Variants in ABCD3 observed in about 807,000 individuals in gnomAD.
The protein encoded by ABCD3 is ATP binding cassette subfamily D member 3, also known as ATP-binding cassette sub-family D member 3.
ABCD3 carries 41 observed loss-of-function variants against 105.5 expected under a neutral mutation model. The observed-to-expected ratio is 0.39, with a 90% CI of 0.30 to 0.50. The LOEUF (loss-of-function observed/expected upper bound fraction) is 0.50, where lower values mean the gene tolerates loss of function less well. Ranked by LOEUF, ABCD3 falls within the 20% of genes least tolerant of loss-of-function variation. The pLI is 0.84. For missense variants in ABCD3, 622 were observed against 806.3 expected (o/e 0.77, Z 2.77); for synonymous variants, 258 against 269.0 (o/e 0.96, Z 0.40).
chr1:94,516,002 A>G (rs1650904330), intron 22 of ABCD3, among the ~76,000 whole-genome samples: 1 of 151,990 alleles, frequency 6.6e-6, no homozygotes, highest in African/African-American at 2.4e-5. Flanking sequence ...GCCTTGTTCC[A>G]CAAAATACAT....
At chr1:94,387,442 G>T in the ABCD3 span, among the ~76,000 whole-genome samples, 3 of 152,038 alleles carry the variant, frequency 2.0e-5, no homozygotes, top group Admixed American at 2.0e-4. Flanking sequence ...TGACAACCTT[G>T]CTCTCTCCTC....
chr1:94,441,987 A>G (rs1346345599), intron 1 of ABCD3, among the ~76,000 whole-genome samples: 4 of 152,132 alleles, frequency 2.6e-5, no homozygotes, highest in Non-Finnish European at 4.4e-5. Flanking sequence ...GATTTTGATA[A>G]TTGTACTATA....
chr1:94,463,008 C>T (rs1168838660), intron 2 of ABCD3, among the ~76,000 whole-genome samples: 9 of 152,114 alleles, frequency 5.9e-5, no homozygotes, highest in Admixed American at 5.9e-4. Flanking sequence ...TAGGCTAGTT[C>T]AACTAACTGG....
At chr1:94,432,945 C>G (rs537227238) in intron 1 of ABCD3, among the ~76,000 whole-genome samples, 1 of 151,812 alleles carries the variant, frequency 6.6e-6, no homozygotes, top group South Asian at 2.1e-4. Flanking sequence ...ACCTCTGCCT[C>G]CTGGGTTCAA....
chr1:94,473,227 T>A (rs989230438), intron 4 of ABCD3, among the ~76,000 whole-genome samples: 4 of 152,142 alleles, frequency 2.6e-5, no homozygotes, highest in Admixed American at 1.3e-4. Flanking sequence ...GCCACACTTC[T>A]TGGCTGCTTT....
At chr1:94,399,893 C>T in the ABCD3 span, among the ~76,000 whole-genome samples, 1 of 152,092 alleles carries the variant, frequency 6.6e-6, no homozygotes, top group Non-Finnish European at 1.5e-5. Flanking sequence ...GCTGCACCAG[C>T]GATTTAGTAG....
At chr1:94,402,785 T>C in the ABCD3 span, among the ~76,000 whole-genome samples, 3 of 152,186 alleles carry the variant, frequency 2.0e-5, no homozygotes, top group African/African-American at 7.2e-5. Flanking sequence ...ATTATGAATA[T>C]AATACTTCCT....
intron 15 of ABCD3, among the ~76,000 whole-genome samples, chr1:94,490,556 A>G (rs1026646612): frequency 6.6e-6 from 1 of 152,022 alleles, no homozygotes; most frequent in African/African-American, 2.4e-5. Context: ...TATGTTGAAA[A>G]TGGCCCAGTT....
chr1:94,473,126 C>T (rs958724049), intron 4 of ABCD3, among the ~76,000 whole-genome samples: 3 of 152,154 alleles, frequency 2.0e-5, no homozygotes, highest in African/African-American at 7.2e-5. Context: ...GGGCTCTGAT[C>T]TATGCGTTAG....
intron 10 of ABCD3, 33 bp from the exon 11 acceptor site, chr1:94,487,507 GAA>G (rs762074302): frequency 3.1e-6 from 5 of 1,595,224 alleles, no homozygotes; most frequent in Non-Finnish European, 4.3e-6. Context: ...TTTATACAGA[GAA>G]AAAGATGGTT....
intron 1 of ABCD3, among the ~76,000 whole-genome samples, chr1:94,443,014 T>A (rs1660189315): frequency 6.6e-6 from 1 of 152,230 alleles, no homozygotes; most frequent in Non-Finnish European, 1.5e-5. Context: ...ATGGTAGTTC[T>A]GTTTTTAGTT....
chr1:94,456,754 G>C (rs1367877023), intron 1 of ABCD3, among the ~76,000 whole-genome samples: 34 of 151,944 alleles, frequency 2.2e-4, no homozygotes, highest in Non-Finnish European at 1.5e-5. Flanking sequence ...ATTTCCTTAG[G>C]ATCTATACCC....
intron 1 of ABCD3, among the ~76,000 whole-genome samples, chr1:94,433,194 GC>G (rs1019532872): frequency 7.1e-6 from 1 of 140,928 alleles, no homozygotes; most frequent in African/African-American, 2.7e-5. Flanking sequence ...CGCTCTTGTT[GC>G]CCAGTGTGGA....
In ABCD3 at chr1:94,513,033, A is replaced by G. The variant is rs1257602684; in HGVS notation, c.1846-2113A>G. ...CCTGCTAAATCAGAATCTGCATTTT[A>G]CCAAAATTCTAAGATGATTCAAATG... is the stretch of plus-strand genomic sequence containing the variant. On this transcript the variant is annotated intron_variant, in intron 21 of 22. Transcript: ENST00000370214. Among the ~76,000 whole-genome samples, 5 of 152,080 alleles carry G rather than the reference A, an allele frequency of 3.3e-5. No homozygotes were observed. The East Asian group carries it at 9.6e-4, about 29-fold the overall frequency.
At chr1:94,504,224 T>C (rs758639440) in intron 20 of ABCD3, among the ~76,000 whole-genome samples, 29 of 151,746 alleles carry the variant, frequency 1.9e-4, no homozygotes, top group Non-Finnish European at 3.7e-4. Context: ...TACAAGCAAT[T>C]CTTGTTCCTC....
rs4148061 is a variant in ABCD3 at position 94,518,496 on chromosome 1, TAA to T, written c.*1384_*1385del. On this transcript the variant is annotated 3_prime_UTR_variant, in exon 23 of 23. Coordinates refer to ENST00000370214, the MANE Select transcript of ABCD3 (RefSeq NM_002858.4). Reference sequence around the variant, plus strand: ...TTGTATACTTATTTTCTGTTCAGATTAAAAAAAAAAAAAAAAAACTCAGATAT... The same window carrying T: ...TTGTATACTTATTTTCTGTTCAGATTAAAAAAAAAAAAAAAACTCAGATAT... 288 of 138,012 alleles carry T rather than the reference TAA, an allele frequency of 2.1e-3. 1 individual carries two copies. The highest frequency in any genetic ancestry group is 6.2e-3 in the Admixed American group (86 of 13,778). 8.5% of individuals were successfully genotyped at this position (138,012 alleles called of 1,614,324 possible).
intron 1 of ABCD3, among the ~76,000 whole-genome samples, chr1:94,439,218 C>T (rs188170687): frequency 6.6e-6 from 1 of 152,214 alleles, no homozygotes; most frequent in Non-Finnish European, 1.5e-5. Flanking sequence ...TCTTGAATAT[C>T]TTAAATATGT....
At chr1:94,393,528 A>G in the ABCD3 span, among the ~76,000 whole-genome samples, 2 of 151,998 alleles carry the variant, frequency 1.3e-5, no homozygotes, top group Non-Finnish European at 2.9e-5. Context: ...AATCTCAGCT[A>G]CCTGGGAGGC....
At chr1:94,402,457 G>A in the ABCD3 span, among the ~76,000 whole-genome samples, 3 of 152,042 alleles carry the variant, frequency 2.0e-5, no homozygotes, top group African/African-American at 7.2e-5. Flanking sequence ...TTTTTCCTCA[G>A]GGCCATTTGA....
Sources: allele counts gnomAD v4.1 joint callset (sites outside exome capture counted in the v4.1 genomes callset), GRCh38; gene constraint gnomAD v4.1.1; transcripts MANE v1.5; gene names NCBI Gene and HGNC (gene_info 2026-07-23, HGNC 2026-07-21).